The following CTNNA2 variants were observed in gnomAD, a reference collection of about 807,000 sequenced individuals.
CTNNA2 encodes catenin alpha-2.
Under a neutral mutation model 101.0 loss-of-function variants are expected in CTNNA2, and 42 were observed. That is an observed-to-expected ratio of 0.42 (90% CI 0.32 to 0.54). The LOEUF (loss-of-function observed/expected upper bound fraction) is 0.54. Ranked by LOEUF, CTNNA2 falls within the 20% of genes least tolerant of loss-of-function variation. CTNNA2 has a pLI of 0.14. For synonymous variants in CTNNA2, 450 were observed against 456.4 expected (o/e 0.99, Z 0.18); for missense variants, 871 against 1,223.1 (o/e 0.71, Z 4.29).
chr2:79,276,584 A>G (rs1553389927), intron 2 of CTNNA2, among the ~76,000 whole-genome samples: 1 of 152,044 alleles, frequency 6.6e-6, no homozygotes, highest in Non-Finnish European at 1.5e-5. Flanking sequence ...TTACCTGAAT[A>G]CCTTTCATAC....
At chr2:80,098,857 G>A (rs902911352) in intron 7 of CTNNA2, among the ~76,000 whole-genome samples, 1 of 152,192 alleles carries the variant, frequency 6.6e-6, no homozygotes, top group Non-Finnish European at 1.5e-5. Context: ...TGTTGGAAAA[G>A]CGCAGTATTC....
chr2:79,193,477 T>C (rs1572972256), intron 1 of CTNNA2, among the ~76,000 whole-genome samples: 2 of 152,204 alleles, frequency 1.3e-5, no homozygotes, highest in African/African-American at 4.8e-5. Context: ...CTATATCATG[T>C]ACCCAAAGTA....
intron 8 of CTNNA2, among the ~76,000 whole-genome samples, chr2:80,396,978 C>CT (rs1489993910): frequency 6.6e-6 from 1 of 152,106 alleles, no homozygotes; most frequent in East Asian, 1.9e-4. Context: ...AGGGTGAGTA[C>CT]TTAGAATAGT....
intron 1 of CTNNA2, among the ~76,000 whole-genome samples, chr2:79,635,258 C>T (rs898343951): frequency 3.3e-5 from 5 of 151,842 alleles, no homozygotes; most frequent in Non-Finnish European, 5.9e-5. Flanking sequence ...GGTGAAACCC[C>T]GTCTCTACTA....
At chr2:80,075,556 T>A (rs1487402980) in intron 7 of CTNNA2, among the ~76,000 whole-genome samples, 1 of 144,452 alleles carries the variant, frequency 6.9e-6, no homozygotes, top group South Asian at 2.1e-4. Context: ...TATTTATACA[T>A]GTATAAATAT....
intron 7 of CTNNA2, among the ~76,000 whole-genome samples, chr2:80,217,813 T>C (rs1241832166): frequency 6.6e-6 from 1 of 152,186 alleles, no homozygotes; most frequent in Non-Finnish European, 1.5e-5. Flanking sequence ...GGTTCAGGGC[T>C]GGACCACTTG....
intron 2 of CTNNA2, among the ~76,000 whole-genome samples, chr2:79,662,615 C>T (rs1682114867): frequency 6.6e-6 from 1 of 152,104 alleles, no homozygotes; most frequent in Non-Finnish European, 1.5e-5. Context: ...TGAATTTACG[C>T]AGGAAGCTCT....
intron 7 of CTNNA2, among the ~76,000 whole-genome samples, chr2:80,123,351 A>T (rs1216354499): frequency 6.6e-6 from 1 of 152,088 alleles, no homozygotes; most frequent in African/African-American, 2.4e-5. Context: ...TTTAAGAATG[A>T]CCAGAATGGG....
chr2:79,227,052 T>C (rs1674425496), intron 2 of CTNNA2, among the ~76,000 whole-genome samples: 1 of 152,154 alleles, frequency 6.6e-6, no homozygotes, highest in African/African-American at 2.4e-5. Flanking sequence ...AAAAGTTCTA[T>C]GTTAAAAATG....
At chr2:80,062,367 G>A (rs759163655) in intron 7 of CTNNA2, among the ~76,000 whole-genome samples, 1 of 152,060 alleles carries the variant, frequency 6.6e-6, no homozygotes, top group Non-Finnish European at 1.5e-5. Context: ...AAATTCATTT[G>A]TGATATAATT....
chr2:79,321,627 G>A (rs554148276), intron 3 of CTNNA2, among the ~76,000 whole-genome samples: 6 of 152,270 alleles, frequency 3.9e-5, no homozygotes, highest in African/African-American at 1.2e-4. Context: ...TGAAGGTCCT[G>A]TGAAATAAGC....
chr2:80,467,932 TA>T (rs1384533701), intron 9 of CTNNA2, among the ~76,000 whole-genome samples: 1 of 152,230 alleles, frequency 6.6e-6, no homozygotes, highest in Non-Finnish European at 1.5e-5. Flanking sequence ...CTGTTGTTTA[TA>T]AATTACCCTA....
intron 7 of CTNNA2, among the ~76,000 whole-genome samples, chr2:80,271,633 AG>A (rs1673495886): frequency 6.6e-6 from 1 of 152,240 alleles, no homozygotes; most frequent in African/African-American, 2.4e-5. Context: ...CGTGTTAGCC[AG>A]GATGGTCTCG....
At position 79,267,037 on chromosome 2, in the gene CTNNA2, G is replaced by A. The variant is rs151210191; in HGVS notation, c.-405-45672G>A. On this transcript the variant is annotated intron_variant, in intron 2 of 21. Coordinates refer to the CTNNA2 transcript ENST00000466387. ...TCCTCAGCAAGTCTCGTATGCTAAA[G>A]TCAAGGCCCTGATGGAAAGCGGGGC... Among the ~76,000 whole-genome samples the A allele has an allele frequency of 9.9e-3, 1,509 of 152,140 alleles. 19 individuals carry two copies. The highest frequency in any genetic ancestry group is 0.033 in the African/African-American group (1,382 of 41,510).
intron 7 of CTNNA2, among the ~76,000 whole-genome samples, chr2:80,285,564 A>AG (rs1171541250): frequency 6.6e-6 from 1 of 152,160 alleles, no homozygotes; most frequent in East Asian, 1.9e-4. Flanking sequence ...TCTTTGTACA[A>AG]GGGTCATAGT....
intron 4 of CTNNA2, among the ~76,000 whole-genome samples, chr2:79,861,184 G>A (rs1318091738): frequency 6.6e-6 from 1 of 152,142 alleles, no homozygotes; most frequent in African/African-American, 2.4e-5. Flanking sequence ...ATACCCTGTA[G>A]TGAGACTACA....
intron 7 of CTNNA2, among the ~76,000 whole-genome samples, chr2:80,287,873 C>G (rs557291425): frequency 6.6e-6 from 1 of 152,304 alleles, no homozygotes; most frequent in East Asian, 1.9e-4. Context: ...CAAATGTAAT[C>G]TGCATTAACC....
chr2:80,383,020 A>T (rs1011950356), intron 7 of CTNNA2, among the ~76,000 whole-genome samples: 1 of 152,118 alleles, frequency 6.6e-6, no homozygotes, highest in African/African-American at 2.4e-5. Context: ...ATTTTTTAGC[A>T]GTTTGCTCAG....
chr2:79,902,910 C>T (rs1326211599), intron 6 of CTNNA2, among the ~76,000 whole-genome samples: 1 of 152,178 alleles, frequency 6.6e-6, no homozygotes, highest in African/African-American at 2.4e-5. Context: ...CGGGCATGAG[C>T]CACTGCGCCC....
Sources: allele counts gnomAD v4.1 joint callset (sites outside exome capture counted in the v4.1 genomes callset), GRCh38; gene constraint gnomAD v4.1.1; transcripts MANE v1.5; gene names NCBI Gene and HGNC (gene_info 2026-07-23, HGNC 2026-07-21).